Variants in RABEP1 observed in about 807,000 individuals in gnomAD.
RABEP1 encodes rab GTPase-binding effector protein 1.
RABEP1 carries 51 observed loss-of-function variants against 123.4 expected under a neutral mutation model. The ratio of observed to expected loss-of-function variants is 0.41; its 90% CI spans 0.33 to 0.52. The LOEUF is 0.52. Ranked by LOEUF, RABEP1 falls within the 20% of genes least tolerant of loss-of-function variation. The pLI is 0.16. For synonymous variants in RABEP1, 347 were observed against 355.2 expected (o/e 0.98, Z 0.26); for missense variants, 888 against 996.3 (o/e 0.89, Z 1.46).
chr17:5,307,105 G>C (rs559457544), intron 1 of RABEP1, among the ~76,000 whole-genome samples: 1 of 152,150 alleles, frequency 6.6e-6, no homozygotes. Context: ...GATCATTTGA[G>C]GTCAAGAGTT....
chr17:5,363,550 G>A (rs1490210004), intron 10 of RABEP1, among the ~76,000 whole-genome samples: 1 of 151,958 alleles, frequency 6.6e-6, no homozygotes, highest in Non-Finnish European at 1.5e-5. Flanking sequence ...GCACAGGTCT[G>A]CCCAACTCTT....
chr17:5,323,832 ATC>A (rs1567522230), intron 2 of RABEP1, among the ~76,000 whole-genome samples: 9 of 123,350 alleles, frequency 7.3e-5, no homozygotes, highest in African/African-American at 2.9e-4. Flanking sequence ...ATATATATAT[ATC>A]TAGGAATATA....
chr17:5,297,760 A>T (rs1323101375), intron 1 of RABEP1, among the ~76,000 whole-genome samples: 1 of 152,204 alleles, frequency 6.6e-6, no homozygotes, highest in African/African-American at 2.4e-5. Context: ...TTACAGATGG[A>T]GAGAAGGAAC....
At chr17:5,346,317 G>T (rs150343242) in intron 5 of RABEP1, among the ~76,000 whole-genome samples, 206 of 152,270 alleles carry the variant, frequency 1.4e-3, no homozygotes, top group Non-Finnish European at 2.2e-3. Flanking sequence ...ATATGTATCT[G>T]TGAAAATGTC....
At chr17:5,374,359 G>A (rs1385793467) in intron 13 of RABEP1, among the ~76,000 whole-genome samples, 1 of 151,930 alleles carries the variant, frequency 6.6e-6, no homozygotes, top group East Asian at 1.9e-4. Context: ...ATTCTTCTGT[G>A]GTTGGGTAAA....
rs910544937 is a variant in RABEP1 at position 5,350,978 on chromosome 17, C to T, written c.963+349C>T. 8.5e-5 allele frequency among the ~76,000 whole-genome samples: 13 copies of T among 152,254 alleles called. 1 individual carries two copies. Among genetic ancestry groups the T allele is most frequent in the South Asian group, 4.1e-4 (2 of 4,822 alleles). ...AACCTGCAGCTCTTGGCTTTGAATGCGGCCCAACACAAATTTGTAAACTTT... is the reference window on the plus strand; with the variant it reads ...AACCTGCAGCTCTTGGCTTTGAATGTGGCCCAACACAAATTTGTAAACTTT... On this transcript the variant is annotated intron_variant, in intron 7 of 17. Transcript: ENST00000537505.
chr17:5,292,849 T>G (rs1245385964), intron 1 of RABEP1, among the ~76,000 whole-genome samples: 1 of 152,056 alleles, frequency 6.6e-6, no homozygotes, highest in Non-Finnish European at 1.5e-5. Flanking sequence ...GCCTCGCTAG[T>G]TTTTGTATTT....
chr17:5,286,272 G>A (rs1479412636), intron 1 of RABEP1, among the ~76,000 whole-genome samples: 1 of 152,182 alleles, frequency 6.6e-6, no homozygotes, highest in Non-Finnish European at 1.5e-5. Context: ...AAGGCAGATG[G>A]ATCACAAGGT....
intron 1 of RABEP1, among the ~76,000 whole-genome samples, chr17:5,297,363 C>T (rs904228987): frequency 1.3e-5 from 2 of 152,230 alleles, no homozygotes; most frequent in South Asian, 2.1e-4. Context: ...CAGATTTCAA[C>T]GTATAAATGA....
chr17:5,350,948 T>G (rs933554605), intron 7 of RABEP1, among the ~76,000 whole-genome samples: 4 of 152,234 alleles, frequency 2.6e-5, no homozygotes. Context: ...AGGTCAAGCT[T>G]GTCCAACCTG....
chr17:5,335,554 C>T (rs1906993965), intron 4 of RABEP1, among the ~76,000 whole-genome samples: 1 of 152,160 alleles, frequency 6.6e-6, no homozygotes, highest in South Asian at 2.1e-4. Flanking sequence ...ATCACTACTT[C>T]ATGGGGTTTT....
intron 6 of RABEP1, among the ~76,000 whole-genome samples, chr17:5,347,533 AT>A (rs1289270160): frequency 6.6e-6 from 1 of 152,132 alleles, no homozygotes; most frequent in African/African-American, 2.4e-5. Flanking sequence ...CCCCACACTC[AT>A]TTTGATGGAG....
intron 5 of RABEP1, among the ~76,000 whole-genome samples, chr17:5,345,905 C>T (rs1908024534): frequency 6.6e-6 from 1 of 152,046 alleles, no homozygotes; most frequent in Admixed American, 6.6e-5. Context: ...TTAGAATGGA[C>T]AATTTATGTG....
rs371395664 is a variant in RABEP1, at chr17:5,286,918, AGAT to A, written c.34+4401_34+4403del. On this transcript the variant is annotated intron_variant, in intron 1 of 17. Transcript: ENST00000537505. ...GGCTGGTCAGGCAGCTTTATTGAGA[AGAT>A]GACATTTGTGCAAAGACTTGAAGTA... Among the ~76,000 whole-genome samples, 19 of 152,352 alleles carry A rather than the reference AGAT, an allele frequency of 1.2e-4. No homozygotes were observed. The East Asian group carries it at 3.3e-3, about 26-fold the overall frequency.
At chr17:5,329,269 G>A (rs1292846801) in intron 2 of RABEP1, among the ~76,000 whole-genome samples, 2 of 152,104 alleles carry the variant, frequency 1.3e-5, no homozygotes, top group African/African-American at 2.4e-5. Flanking sequence ...GGTGGCTCAC[G>A]CCTGTAATCC....
intron 2 of RABEP1, among the ~76,000 whole-genome samples, chr17:5,311,025 G>C (rs2075234320): frequency 6.6e-6 from 1 of 151,954 alleles, no homozygotes; most frequent in Non-Finnish European, 1.5e-5. Flanking sequence ...GGCCAGGCTG[G>C]TCTCGAACTC....
intron 2 of RABEP1, among the ~76,000 whole-genome samples, chr17:5,320,748 A>G (rs900644276): frequency 2.0e-5 from 3 of 152,176 alleles, no homozygotes; most frequent in African/African-American, 7.2e-5. Flanking sequence ...AAGCCTTGTG[A>G]TAAACACAAA....
In RABEP1 at chr17:5,382,083, A is replaced by AT. The variant is rs58178661; in HGVS notation, c.2487+593dup. On this transcript the variant is annotated intron_variant, in intron 17 of 17. Transcript: ENST00000537505. The stretch of plus-strand genomic sequence containing the variant: ...AGTTTTTTTCCCAATGGAACTTCGG[A>AT]TTTTTTTTTTTTTTTGGAGACGGAG... Among the ~76,000 whole-genome samples, 685 of 143,084 alleles carry AT rather than the reference A, an allele frequency of 4.8e-3. 6 individuals carry two copies. Among genetic ancestry groups the AT allele is most frequent in the African/African-American group, 0.013 (506 of 39,008 alleles). The allele number at this position is 143,084 out of a possible 152,430, so 93.9% of individuals were successfully genotyped here. A position where few individuals can be genotyped will look rare whatever the true frequency, so the allele number is the denominator to read the frequency against.
At chr17:5,351,726 G>A (rs1056007367) in intron 7 of RABEP1, among the ~76,000 whole-genome samples, 19 of 152,124 alleles carry the variant, frequency 1.2e-4, no homozygotes, top group African/African-American at 4.6e-4. Context: ...CACTTGATCC[G>A]GGAGGCGGAG....
Sources: allele counts gnomAD v4.1 joint callset (sites outside exome capture counted in the v4.1 genomes callset), GRCh38; gene constraint gnomAD v4.1.1; transcripts MANE v1.5; gene names NCBI Gene and HGNC (gene_info 2026-07-23, HGNC 2026-07-21).